Variants in CCSER1 observed in about 807,000 individuals in gnomAD.
CCSER1 encodes coiled-coil serine rich protein 1, also known as serine-rich coiled-coil domain-containing protein 1.
Under a neutral mutation model 82.0 loss-of-function variants are expected in CCSER1, and 41 were observed. That is an observed-to-expected ratio of 0.50 (90% CI 0.39 to 0.65). The LOEUF (loss-of-function observed/expected upper bound fraction) is 0.65, where lower values mean the gene tolerates loss of function less well. CCSER1 is among the 30% of genes least tolerant of loss of function. The pLI is 0.00. For synonymous variants in CCSER1, 414 were observed against 383.9 expected (o/e 1.08, Z -0.92); for missense variants, 1,119 against 1,064.2 (o/e 1.05, Z -0.72).
chr4:90,716,581 A>T (rs555021654), intron 6 of CCSER1, among the ~76,000 whole-genome samples: 1 of 152,126 alleles, frequency 6.6e-6, no homozygotes, highest in South Asian at 2.1e-4. Flanking sequence ...ATAATACTGT[A>T]TTTTTACTAT....
intron 10 of CCSER1, among the ~76,000 whole-genome samples, chr4:91,417,609 C>A (rs1753443025): frequency 6.6e-6 from 1 of 151,908 alleles, no homozygotes; most frequent in Admixed American, 6.6e-5. Context: ...CCAAACACTG[C>A]ATGTTTTTAC....
intron 1 of CCSER1, among the ~76,000 whole-genome samples, chr4:90,264,638 A>G (rs750397854): frequency 1.3e-5 from 2 of 152,052 alleles, no homozygotes; most frequent in Non-Finnish European, 2.9e-5. Flanking sequence ...TTTTGGTGTC[A>G]ATCAGTAAAT....
intron 10 of CCSER1, among the ~76,000 whole-genome samples, chr4:91,106,126 C>A (rs887451422): frequency 6.6e-6 from 1 of 152,152 alleles, no homozygotes; most frequent in African/African-American, 2.4e-5. Context: ...AAAACAGGGT[C>A]CTGTCTCTTC....
chr4:91,022,374 G>A (rs1476755479), intron 9 of CCSER1, among the ~76,000 whole-genome samples: 2 of 151,978 alleles, frequency 1.3e-5, no homozygotes, highest in Admixed American at 6.6e-5. Context: ...GGTGTATGGT[G>A]TATATGTGCC....
intron 1 of CCSER1, among the ~76,000 whole-genome samples, chr4:90,135,574 G>A (rs980968066): frequency 1.5e-4 from 23 of 152,146 alleles, no homozygotes; most frequent in African/African-American, 5.3e-4. Flanking sequence ...ATGGCATATT[G>A]CCTTGCTCCT....
intron 5 of CCSER1, among the ~76,000 whole-genome samples, chr4:90,521,910 A>G (rs1274654054): frequency 5.3e-5 from 8 of 152,156 alleles, no homozygotes; most frequent in Admixed American, 4.6e-4. Context: ...CCTGTTCAGA[A>G]TGCCAGGCCA....
Position 91,208,712 on chromosome 4 carries a change from G to T in CCSER1, c.2217+122718G>T, listed in dbSNP as rs531571807. On this transcript the variant is annotated intron_variant, in intron 10 of 10. Transcript: ENST00000509176. Reference sequence around the variant, plus strand: ...TCCTTAGCTATTCAGGCTCTTTTTTGTTCTGTATGAATTTTAGAATAGATT... The same window carrying T: ...TCCTTAGCTATTCAGGCTCTTTTTTTTTCTGTATGAATTTTAGAATAGATT... Among the ~76,000 whole-genome samples the T allele has an allele frequency of 8.6e-5, 13 of 151,894 alleles. No individual in the cohort carries two copies. In the East Asian group the frequency reaches 2.5e-3, roughly 29 times the overall value.
chr4:90,910,959 G>A (rs1561346649), intron 8 of CCSER1, among the ~76,000 whole-genome samples: 1 of 152,118 alleles, frequency 6.6e-6, no homozygotes, highest in Non-Finnish European at 1.5e-5. Flanking sequence ...TATAAATAAA[G>A]CTTTAAAAAC....
rs1030573055 is a variant in CCSER1, at chr4:91,506,895, T to A, written c.2218-91677T>A. The stretch of plus-strand genomic sequence containing the variant: ...CGTTCATGTATATGAAAACATAGAG[T>A]CTGTAGTTTTTGTGACCATCACTTA... On this transcript the variant is annotated intron_variant, in intron 10 of 10. Transcript: ENST00000509176. 8.5e-5 allele frequency among the ~76,000 whole-genome samples: 13 copies of A among 152,192 alleles called. No individual in the cohort carries two copies. In the South Asian group the frequency reaches 1.7e-3, roughly 19 times the overall value.
chr4:91,419,127 A>G (rs1339439232), intron 10 of CCSER1, among the ~76,000 whole-genome samples: 4 of 151,984 alleles, frequency 2.6e-5, no homozygotes, highest in Non-Finnish European at 5.9e-5. Context: ...CAGCTAACAT[A>G]CTCAATAGTG....
chr4:91,115,077 T>C (rs1726431131), intron 10 of CCSER1, among the ~76,000 whole-genome samples: 1 of 152,186 alleles, frequency 6.6e-6, no homozygotes, highest in South Asian at 2.1e-4. Context: ...AGTTTTAACT[T>C]CTAATATTAA....
At position 91,604,558 on chromosome 4, in the gene CCSER1, T is replaced by C. The variant is rs1320897603; in HGVS notation, c.*5501T>C. The C allele has an allele frequency of 6.6e-6, 1 of 152,066 alleles. No individual in the cohort carries two copies. Among genetic ancestry groups the C allele is most frequent in the East Asian group, 1.9e-4 (1 of 5,192 alleles). 9.4% of individuals were successfully genotyped at this position (152,066 alleles called of 1,614,324 possible). On this transcript the variant is annotated 3_prime_UTR_variant, in exon 11 of 11. Coordinates refer to ENST00000509176, the MANE Select transcript of CCSER1 (RefSeq NM_001145065.2). ...TTTAAAGTAGAGGGCCAATGAAGTG[T>C]CTAACAAAAGGAAAGCATACAGTAA...
At chr4:91,450,634 C>T (rs952133762) in intron 10 of CCSER1, among the ~76,000 whole-genome samples, 1 of 151,986 alleles carries the variant, frequency 6.6e-6, no homozygotes. Context: ...CAGTTATCTC[C>T]TTCATTGAGG....
intron 10 of CCSER1, among the ~76,000 whole-genome samples, chr4:91,472,638 A>G (rs939860029): frequency 6.6e-6 from 1 of 152,190 alleles, no homozygotes; most frequent in Admixed American, 6.5e-5. Flanking sequence ...AGATTGTAAT[A>G]TTTGTTACTA....
intron 8 of CCSER1, among the ~76,000 whole-genome samples, chr4:90,853,224 A>C (rs988511286): frequency 6.6e-6 from 1 of 152,176 alleles, no homozygotes; most frequent in Non-Finnish European, 1.5e-5. Context: ...AGAGCAGAGA[A>C]TGAAAGTTTA....
At chr4:91,043,182 G>A (rs1255914379) in intron 9 of CCSER1, among the ~76,000 whole-genome samples, 1 of 151,920 alleles carries the variant, frequency 6.6e-6, no homozygotes, top group Non-Finnish European at 1.5e-5. Flanking sequence ...CTTTTAGTTA[G>A]TATTTATCTA....
At chr4:91,248,486 C>T (rs1013054465) in intron 10 of CCSER1, among the ~76,000 whole-genome samples, 3 of 152,294 alleles carry the variant, frequency 2.0e-5, no homozygotes, top group East Asian at 1.9e-4. Flanking sequence ...CACTTCACCT[C>T]GATGGTTTTT....
chr4:90,998,917 A>G lies in CCSER1; in HGVS notation c.2172+75470A>G, dbSNP rs150015415. On this transcript the variant is annotated intron_variant, in intron 9 of 10. Coordinates refer to ENST00000509176, the MANE Select transcript of CCSER1 (RefSeq NM_001145065.2). Reference sequence around the variant, plus strand: ...CATGCCCTAGTAGTCCCCAGTGTCTATTGTTGCTGTCTTTATGTCCATGAG... The same window carrying G: ...CATGCCCTAGTAGTCCCCAGTGTCTGTTGTTGCTGTCTTTATGTCCATGAG... Among the ~76,000 whole-genome samples, 75 of 151,962 alleles carry G rather than the reference A, an allele frequency of 4.9e-4. No homozygotes were observed. In the East Asian group the frequency reaches 0.014, roughly 29 times the overall value.
intron 10 of CCSER1, among the ~76,000 whole-genome samples, chr4:91,396,112 G>T (rs550697532): frequency 2.0e-5 from 3 of 152,194 alleles, no homozygotes; most frequent in African/African-American, 7.2e-5. Flanking sequence ...AAAACCAGCT[G>T]CATTTTAACA....
Sources: allele counts gnomAD v4.1 joint callset (sites outside exome capture counted in the v4.1 genomes callset), GRCh38; gene constraint gnomAD v4.1.1; transcripts MANE v1.5; gene names NCBI Gene and HGNC (gene_info 2026-07-23, HGNC 2026-07-21).